The following REEP3 variants were observed in gnomAD, a reference collection of about 807,000 sequenced individuals.
REEP3 encodes the protein receptor expression-enhancing protein 3.
In REEP3, 20 loss-of-function variants were observed where a neutral mutation model predicts 41.3. The ratio of observed to expected loss-of-function variants is 0.48; its 90% CI spans 0.34 to 0.70. REEP3 has a LOEUF of 0.70. Ranked by LOEUF, REEP3 falls within the 30% of genes least tolerant of loss-of-function variation. REEP3 has a pLI of 0.01. For synonymous variants in REEP3, 104 were observed against 101.8 expected, an observed-to-expected ratio of 1.02 and a Z score of -0.13; for missense variants, 271 against 308.8, an observed-to-expected ratio of 0.88 and a Z score of 0.92.
intron 1 of REEP3, among the ~76,000 whole-genome samples, chr10:63,547,559 A>G (rs1006863218): frequency 2.0e-5 from 3 of 152,226 alleles, no homozygotes; most frequent in African/African-American, 4.8e-5. Context: ...ATGCTGGACC[A>G]CATTTCTATC....
At chr10:63,586,705 T>C (rs1461185363) in intron 2 of REEP3, among the ~76,000 whole-genome samples, 1 of 152,194 alleles carries the variant, frequency 6.6e-6, no homozygotes, top group African/African-American at 2.4e-5. Context: ...TAATTTTTTA[T>C]GGTAGGGGTA....
In REEP3 at chr10:63,620,087, C is replaced by T. The variant is rs140740692; in HGVS notation, c.711+287C>T. Among the ~76,000 whole-genome samples, 1,273 of 151,998 alleles carry T rather than the reference C, an allele frequency of 8.4e-3. 9 individuals carry two copies. Among genetic ancestry groups the T allele is most frequent in the Non-Finnish European group, 0.013 (902 of 67,950 alleles). On this transcript the variant is annotated intron_variant, in intron 7 of 7. Transcript: ENST00000373758. The stretch of plus-strand genomic sequence containing the variant: ...AGCTGGAACTACAGGCACATGCCAC[C>T]GCACCTGGCTAATTTTTTCATTTTT...
intron 1 of REEP3, among the ~76,000 whole-genome samples, chr10:63,524,651 G>A (rs1252651031): frequency 6.6e-6 from 1 of 151,942 alleles, no homozygotes; most frequent in African/African-American, 2.4e-5. Context: ...TCACCATATT[G>A]GCCAGGCTGG....
chr10:63,530,815 TAAAAG>T (rs1432626759), intron 1 of REEP3, among the ~76,000 whole-genome samples: 1 of 152,214 alleles, frequency 6.6e-6, no homozygotes, highest in Non-Finnish European at 1.5e-5. Flanking sequence ...TTAAATATCT[TAAAAG>T]ATGTTATTGT....
intron 2 of REEP3, among the ~76,000 whole-genome samples, chr10:63,578,382 G>A (rs1955916494): frequency 6.6e-6 from 1 of 152,172 alleles, no homozygotes; most frequent in African/African-American, 2.4e-5. Context: ...ACAGGCGTGG[G>A]CCACAGCGCC....
At chr10:63,579,043 G>C (rs574760176) in intron 2 of REEP3, among the ~76,000 whole-genome samples, 16 of 144,416 alleles carry the variant, frequency 1.1e-4, no homozygotes, top group Admixed American at 2.8e-4. Context: ...TTTTTTTTTG[G>C]GGGGGGGGAG....
At chr10:63,534,883 T>C (rs555596966) in intron 1 of REEP3, among the ~76,000 whole-genome samples, 1 of 152,304 alleles carries the variant, frequency 6.6e-6, no homozygotes, top group Admixed American at 6.5e-5. Context: ...AAGTGTATGA[T>C]GAGGGCAGGA....
chr10:63,523,261 T>A (rs1477758189), intron 1 of REEP3, among the ~76,000 whole-genome samples: 1 of 152,176 alleles, frequency 6.6e-6, no homozygotes, highest in Non-Finnish European at 1.5e-5. Flanking sequence ...ACACCCACTC[T>A]AATACCCAGT....
intron 2 of REEP3, among the ~76,000 whole-genome samples, chr10:63,584,900 C>T (rs1382082945): frequency 6.6e-6 from 1 of 151,340 alleles, no homozygotes; most frequent in African/African-American, 2.4e-5. Flanking sequence ...TTTTTTTTTC[C>T]AGTGAAGCAT....
intron 1 of REEP3, among the ~76,000 whole-genome samples, chr10:63,545,694 T>G (rs1292010455): frequency 1.6e-4 from 23 of 142,784 alleles, no homozygotes; most frequent in East Asian, 4.1e-4. Context: ...TTTTTTTTTT[T>G]TTTTTTTTTT....
chr10:63,551,762 A>G (rs1955630870), intron 1 of REEP3, among the ~76,000 whole-genome samples: 1 of 152,202 alleles, frequency 6.6e-6, no homozygotes, highest in African/African-American at 2.4e-5. Flanking sequence ...GATATGGTAA[A>G]TGGATGGGAT....
At chr10:63,538,302 T>G (rs564983131) in intron 1 of REEP3, among the ~76,000 whole-genome samples, 1 of 152,328 alleles carries the variant, frequency 6.6e-6, no homozygotes, top group South Asian at 2.1e-4. Flanking sequence ...CAATTCCCCA[T>G]AATTAGTAAG....
chr10:63,576,754 G>A (rs1955902084), intron 2 of REEP3, among the ~76,000 whole-genome samples: 3 of 152,158 alleles, frequency 2.0e-5, no homozygotes, highest in Admixed American at 2.0e-4. Flanking sequence ...TTGGTTTCCT[G>A]TGAGGGCTCT....
chr10:63,524,610 A>AT (rs2133333254), intron 1 of REEP3, among the ~76,000 whole-genome samples: 2 of 152,004 alleles, frequency 1.3e-5, no homozygotes, highest in Non-Finnish European at 1.5e-5. Flanking sequence ...CACCCGGCTA[A>AT]TTTTTTTGTA....
chr10:63,559,155 A>G (rs1365135917), intron 1 of REEP3, among the ~76,000 whole-genome samples: 1 of 152,314 alleles, frequency 6.6e-6, no homozygotes, highest in East Asian at 1.9e-4. Context: ...ACAAGCTACA[A>G]TTTAAATTAT....
At chr10:63,608,144 T>C (rs1956245539) in intron 5 of REEP3, among the ~76,000 whole-genome samples, 1 of 152,234 alleles carries the variant, frequency 6.6e-6, no homozygotes, top group African/African-American at 2.4e-5. Context: ...AGATGAACAC[T>C]GGTCACTTCC....
intron 1 of REEP3, among the ~76,000 whole-genome samples, chr10:63,563,676 G>T (rs1454290549): frequency 1.4e-5 from 2 of 145,920 alleles, no homozygotes; most frequent in Non-Finnish European, 2.9e-5. Context: ...GCTGTGCATG[G>T]TGACTTCTTT....
At position 63,521,500 on chromosome 10, in the gene REEP3, C is replaced by T; in HGVS notation, c.-46C>T. On this transcript the variant is annotated 5_prime_UTR_variant, in exon 1 of 8. Coordinates refer to ENST00000373758, the MANE Select transcript of REEP3 (RefSeq NM_001001330.3). ...GCCGTTGGCGGCCTGGTCCGCAGCG[C>T]CCTGCGCCCACCCGCCCCGGACGTG... The T allele has an allele frequency of 7.3e-7, 1 of 1,363,770 alleles. No individual in the cohort carries two copies. Among genetic ancestry groups the T allele is most frequent in the Non-Finnish European group, 9.6e-7 (1 of 1,037,854 alleles). The allele number at this position is 1,363,770 out of a possible 1,614,324, so 84.5% of individuals were successfully genotyped here. A position where few individuals can be genotyped will look rare whatever the true frequency, so the allele number is the denominator to read the frequency against.
chr10:63,564,383 G>A (rs1256590312), intron 1 of REEP3, among the ~76,000 whole-genome samples: 1 of 152,210 alleles, frequency 6.6e-6, no homozygotes, highest in African/African-American at 2.4e-5. Context: ...AGCACTTTGG[G>A]AGGCTGAGGC....
Sources: gnomAD v4.1 joint callset for allele counts (sites outside exome capture counted in the v4.1 genomes callset) on GRCh38, gnomAD v4.1.1 for gene constraint, MANE v1.5 for transcripts, NCBI Gene and HGNC (gene_info 2026-07-23, HGNC 2026-07-21) for gene names.